Variants in ITGBL1 observed in about 807,000 individuals in gnomAD.
ITGBL1 encodes integrin beta-like protein 1.
In ITGBL1, 51 loss-of-function variants were observed where a neutral mutation model predicts 68.5. That is an observed-to-expected ratio of 0.74 (90% CI 0.59 to 0.94). ITGBL1 has a LOEUF of 0.94. Ranked by LOEUF, ITGBL1 falls within the 40% of genes least tolerant of loss-of-function variation. The pLI, the probability that ITGBL1 is intolerant of heterozygous loss-of-function variation, is 0.00. For missense variants in ITGBL1, 649 were observed against 647.4 expected, an observed-to-expected ratio of 1.00 and a Z score of -0.03; for synonymous variants, 209 against 227.3, an observed-to-expected ratio of 0.92 and a Z score of 0.72.
intron 2 of ITGBL1, among the ~76,000 whole-genome samples, chr13:101,559,164 A>T (rs1310860373): frequency 6.6e-6 from 1 of 152,176 alleles, no homozygotes; most frequent in Non-Finnish European, 1.5e-5. Context: ...ATAGAATTTT[A>T]ACTGGTCATG....
chr13:101,519,906 A>T (rs556835017), intron 2 of ITGBL1, among the ~76,000 whole-genome samples: 1 of 152,150 alleles, frequency 6.6e-6, no homozygotes, highest in East Asian at 1.9e-4. Flanking sequence ...TCATGTGGTA[A>T]AAAGATTCAG....
chr13:101,491,760 T>A (rs2048781727), intron 2 of ITGBL1, among the ~76,000 whole-genome samples: 2 of 152,194 alleles, frequency 1.3e-5, no homozygotes, highest in African/African-American at 4.8e-5. Context: ...TTTCTCCTAA[T>A]GCTATCCTCC....
intron 2 of ITGBL1, among the ~76,000 whole-genome samples, chr13:101,510,099 A>C (rs1183190721): frequency 6.6e-6 from 1 of 152,080 alleles, no homozygotes; most frequent in African/African-American, 2.4e-5. Flanking sequence ...ACATGGGTAT[A>C]TTGGACCCAG....
At chr13:101,553,234 G>T (rs2139216960) in intron 2 of ITGBL1, among the ~76,000 whole-genome samples, 1 of 152,268 alleles carries the variant, frequency 6.6e-6, no homozygotes, top group Admixed American at 6.5e-5. Context: ...TTAGCAAGGA[G>T]AAATATATAC....
intron 2 of ITGBL1, among the ~76,000 whole-genome samples, chr13:101,560,958 A>G (rs191008172): frequency 2.0e-5 from 3 of 152,298 alleles, no homozygotes; most frequent in African/African-American, 7.2e-5. Flanking sequence ...CCATTCTTAC[A>G]CTGAAGAAAA....
At chr13:101,601,416 T>G (rs897699118) in intron 7 of ITGBL1, among the ~76,000 whole-genome samples, 1 of 152,290 alleles carries the variant, frequency 6.6e-6, no homozygotes, top group African/African-American at 2.4e-5. Context: ...TTTGAAGGGT[T>G]TTTTGTGTCT....
intron 7 of ITGBL1, among the ~76,000 whole-genome samples, chr13:101,645,094 T>C (rs2032515831): frequency 6.6e-6 from 1 of 152,098 alleles, no homozygotes; most frequent in Admixed American, 6.6e-5. Context: ...GGTCTTATTT[T>C]GAGGAAGTGT....
intron 2 of ITGBL1, among the ~76,000 whole-genome samples, chr13:101,483,660 T>A (rs569647771): frequency 6.6e-6 from 1 of 152,338 alleles, no homozygotes; most frequent in African/African-American, 2.4e-5. Flanking sequence ...AGGATAGGCT[T>A]GATGTTTGTA....
chr13:101,519,091 G>A lies in ITGBL1; in HGVS notation c.317-48608G>A, dbSNP rs1254920965. ...ACTTTAAAAATAAAGTCAGTGGTACGCATTAAAAATACGTATGTTCAAATC... is the reference window on the plus strand; with the variant it reads ...ACTTTAAAAATAAAGTCAGTGGTACACATTAAAAATACGTATGTTCAAATC... On this transcript the variant is annotated intron_variant, in intron 2 of 10. Transcript: ENST00000376180. Among the ~76,000 whole-genome samples the A allele has an allele frequency of 6.6e-5, 10 of 152,192 alleles. No homozygotes were observed. The East Asian group carries it at 1.9e-3, about 29-fold the overall frequency.
At chr13:101,647,196 T>C (rs1161649008) in intron 7 of ITGBL1, among the ~76,000 whole-genome samples, 1 of 152,170 alleles carries the variant, frequency 6.6e-6, no homozygotes, top group Non-Finnish European at 1.5e-5. Context: ...ATCATGAGAA[T>C]AAATTTTTAG....
At chr13:101,540,036 T>G (rs1457053847) in intron 2 of ITGBL1, among the ~76,000 whole-genome samples, 2 of 152,232 alleles carry the variant, frequency 1.3e-5, no homozygotes, top group African/African-American at 4.8e-5. Context: ...TATTTTGCTG[T>G]GCAGAAGCTC....
intron 7 of ITGBL1, among the ~76,000 whole-genome samples, chr13:101,641,935 GC>G (rs2032393707): frequency 6.6e-6 from 1 of 151,928 alleles, no homozygotes; most frequent in African/African-American, 2.4e-5. Flanking sequence ...GAGTATATGT[GC>G]CACATTTTCT....
At chr13:101,583,383 T>C in intron 6 of ITGBL1, 27 bp downstream of exon 6, 2 of 1,440,644 alleles carry the variant, frequency 1.4e-6, no homozygotes, top group Non-Finnish European at 1.8e-6. Context: ...TTCCTGTTTT[T>C]CTGGAGGGGG....
At chr13:101,577,118 G>A (rs2050375966) in intron 4 of ITGBL1, among the ~76,000 whole-genome samples, 1 of 152,084 alleles carries the variant, frequency 6.6e-6, no homozygotes, top group South Asian at 2.1e-4. Context: ...ATTTCCATTT[G>A]TTTGAGGCTT....
At chr13:101,678,112 G>A (rs1287010160) in intron 7 of ITGBL1, among the ~76,000 whole-genome samples, 7 of 152,244 alleles carry the variant, frequency 4.6e-5, no homozygotes, top group South Asian at 2.1e-4. Flanking sequence ...ATAGTACAAA[G>A]AGCTTTTTTG....
At chr13:101,674,682 C>T (rs2033458741) in intron 7 of ITGBL1, among the ~76,000 whole-genome samples, 1 of 151,838 alleles carries the variant, frequency 6.6e-6, no homozygotes, top group Admixed American at 6.6e-5. Flanking sequence ...ACTAAATCTA[C>T]TTATATAAAT....
At chr13:101,537,066 G>GT (rs5806228) in intron 2 of ITGBL1, among the ~76,000 whole-genome samples, 120,735 of 151,794 alleles carry the variant, frequency 0.8, 48,022 homozygotes, top group African/African-American at 0.83. Context: ...ATTCCCCATT[G>GT]GATAAAACGT....
chr13:101,715,822 T>C lies in ITGBL1; in HGVS notation c.*168T>C, dbSNP rs1345737543. ...CCGAGTACCTATTAGAAATGAGTTA[T>C]GCAAATTTAGATGCAAATAACATTA... On this transcript the variant is annotated 3_prime_UTR_variant, in exon 11 of 11. Transcript: ENST00000376180. 1 of 486,014 alleles carries C rather than the reference T, an allele frequency of 2.1e-6. No individual in the cohort carries two copies. Among genetic ancestry groups the C allele is most frequent in the African/African-American group, 2.0e-5 (1 of 50,578 alleles). 30.1% of individuals were successfully genotyped at this position (486,014 alleles called of 1,614,324 possible). A position where few individuals can be genotyped will look rare whatever the true frequency, so the allele number is the denominator to read the frequency against.
intron 2 of ITGBL1, among the ~76,000 whole-genome samples, chr13:101,549,810 A>G (rs995853436): frequency 2.0e-5 from 3 of 152,018 alleles, no homozygotes; most frequent in Non-Finnish European, 4.4e-5. Context: ...ATTCTTACAC[A>G]TTGTCGGTGA....
Sources: allele counts gnomAD v4.1 joint callset (sites outside exome capture counted in the v4.1 genomes callset), GRCh38; gene constraint gnomAD v4.1.1; transcripts MANE v1.5; gene names NCBI Gene and HGNC (gene_info 2026-07-23, HGNC 2026-07-21).